Variants in CNTLN observed in about 807,000 individuals in gnomAD.
CNTLN encodes centlein, centrosomal protein.
In CNTLN, 212 loss-of-function variants were observed where a neutral mutation model predicts 180.0. The ratio of observed to expected loss-of-function variants is 1.18; its 90% CI spans 1.05 to 1.32. The LOEUF is 1.32. Ranked by LOEUF, CNTLN falls within the 40% of genes most tolerant of loss-of-function variation. The pLI is 0.00. For synonymous variants in CNTLN, 722 were observed against 563.1 expected (o/e 1.28, Z -3.99); for missense variants, 2,095 against 1,610.9 (o/e 1.30, Z -5.14).
intron 2 of CNTLN, among the ~76,000 whole-genome samples, chr9:17,190,020 C>T (rs1372395933): frequency 1.3e-5 from 2 of 151,670 alleles, no homozygotes; most frequent in Non-Finnish European, 2.9e-5. Context: ...AATGCAGCTC[C>T]ATCCTCTAGT....
At chr9:17,474,342 T>C (rs910625985) in intron 23 of CNTLN, among the ~76,000 whole-genome samples, 5 of 152,200 alleles carry the variant, frequency 3.3e-5, no homozygotes, top group African/African-American at 4.8e-5. Flanking sequence ...GTCATCCAGA[T>C]GGTTAGGCTC....
intron 7 of CNTLN, among the ~76,000 whole-genome samples, chr9:17,307,253 A>G (rs1258224735): frequency 6.6e-6 from 1 of 151,388 alleles, no homozygotes; most frequent in Admixed American, 6.6e-5. Context: ...AAATATCTCC[A>G]CAATAATATC....
chr9:17,305,327 A>G (rs777847588), intron 7 of CNTLN, among the ~76,000 whole-genome samples: 2 of 152,170 alleles, frequency 1.3e-5, no homozygotes, highest in Non-Finnish European at 2.9e-5. Flanking sequence ...TTTATAGGCC[A>G]GAATCTTACA....
intron 2 of CNTLN, among the ~76,000 whole-genome samples, chr9:17,211,322 C>T (rs1823289843): frequency 6.6e-6 from 1 of 152,092 alleles, no homozygotes; most frequent in African/African-American, 2.4e-5. Flanking sequence ...AATCCTTTCC[C>T]CATTTCTTGT....
intron 2 of CNTLN, among the ~76,000 whole-genome samples, chr9:17,204,797 T>A (rs1278302348): frequency 1.3e-5 from 2 of 152,052 alleles, no homozygotes; most frequent in African/African-American, 2.4e-5. Context: ...CAGCCGCCCC[T>A]CCCCCCAGGT....
At chr9:17,492,282 T>C (rs2383026) in intron 25 of CNTLN, among the ~76,000 whole-genome samples, 68,960 of 151,796 alleles carry the variant, frequency 0.45, 18,421 homozygotes, top group Middle Eastern at 0.6. Context: ...TCTTTCTTTC[T>C]TTCTTATTTT....
At chr9:17,305,677 T>C (rs1445561508) in intron 7 of CNTLN, among the ~76,000 whole-genome samples, 3 of 152,160 alleles carry the variant, frequency 2.0e-5, no homozygotes, top group Non-Finnish European at 4.4e-5. Context: ...AAAAACACTT[T>C]AGAAATAAAG....
chr9:17,322,150 C>T (rs1407973526), intron 8 of CNTLN, among the ~76,000 whole-genome samples: 5 of 151,828 alleles, frequency 3.3e-5, no homozygotes, highest in Non-Finnish European at 7.4e-5. Flanking sequence ...GTAGATATGA[C>T]CACACAAATA....
intron 18 of CNTLN, among the ~76,000 whole-genome samples, chr9:17,445,182 T>C (rs1830331806): frequency 6.6e-6 from 1 of 152,154 alleles, no homozygotes; most frequent in Admixed American, 6.5e-5. Flanking sequence ...CTCTTGAGAA[T>C]TTTTATAGGG....
intron 2 of CNTLN, among the ~76,000 whole-genome samples, chr9:17,190,329 A>G (rs139211009): frequency 8.3e-4 from 126 of 151,970 alleles, no homozygotes; most frequent in African/African-American, 2.8e-3. Flanking sequence ...CCTTATGACT[A>G]GAAGTTAATT....
At chr9:17,352,429 T>G (rs1374285259) in intron 12 of CNTLN, among the ~76,000 whole-genome samples, 1 of 145,928 alleles carries the variant, frequency 6.9e-6, no homozygotes, top group African/African-American at 2.5e-5. Context: ...TTTTTTTTTT[T>G]TGGTATGTAG....
intron 25 of CNTLN, among the ~76,000 whole-genome samples, chr9:17,499,696 G>C (rs2134413179): frequency 6.6e-6 from 1 of 152,204 alleles, no homozygotes; most frequent in East Asian, 1.9e-4. Flanking sequence ...TTGTTTTGTA[G>C]TTCTGACTTT....
chr9:17,320,255 G>A (rs1004140013), intron 8 of CNTLN, among the ~76,000 whole-genome samples: 1 of 152,010 alleles, frequency 6.6e-6, no homozygotes, highest in African/African-American at 2.4e-5. Context: ...TTTCCCTTAT[G>A]TTCTTACTCT....
chr9:17,441,561 GA>G (rs1211663194), intron 18 of CNTLN, among the ~76,000 whole-genome samples: 1 of 125,650 alleles, frequency 8.0e-6, no homozygotes, highest in East Asian at 2.2e-4. Context: ...GATACATGAA[GA>G]AAGTGAAAAA....
chr9:17,342,295 A>G, intron 11 of CNTLN, 30 bp from the exon 12 acceptor site: 1 of 1,605,796 alleles, frequency 6.2e-7, no homozygotes, highest in South Asian at 1.1e-5. Flanking sequence ...AGACATGTTA[A>G]TTGAAAAAGC....
chr9:17,232,646 A>T, intron 3 of CNTLN, among the ~76,000 whole-genome samples: 1 of 152,158 alleles, frequency 6.6e-6, no homozygotes, highest in African/African-American at 2.4e-5. Flanking sequence ...TGCTTATATT[A>T]TTGAATTTAT....
chr9:17,483,332 AC>A (rs1564143261), intron 23 of CNTLN, among the ~76,000 whole-genome samples: 2 of 10,438 alleles, frequency 1.9e-4, no homozygotes, highest in Non-Finnish European at 9.0e-3. Context: ...AGAAACAGAT[AC>A]TTTTTATACA....
chr9:17,270,744 A>G (rs1416662108), intron 5 of CNTLN, among the ~76,000 whole-genome samples: 8 of 152,064 alleles, frequency 5.3e-5, no homozygotes, highest in African/African-American at 1.9e-4. Context: ...TCAGCTTCAT[A>G]TAATTGATTA....
intron 7 of CNTLN, among the ~76,000 whole-genome samples, chr9:17,305,404 C>T (rs928485895): frequency 2.6e-5 from 4 of 152,024 alleles, no homozygotes; most frequent in African/African-American, 9.7e-5. Context: ...AAAAGAGCCT[C>T]TCTGAAAACT....
Sources: allele counts gnomAD v4.1 joint callset (sites outside exome capture counted in the v4.1 genomes callset), GRCh38; gene constraint gnomAD v4.1.1; transcripts MANE v1.5; gene names NCBI Gene and HGNC (gene_info 2026-07-23, HGNC 2026-07-21).